ELMO1: variants seen among roughly 807,000 people sequenced by gnomAD.
The protein encoded by ELMO1 is engulfment and cell motility protein 1.
ELMO1 carries 26 observed loss-of-function variants against 98.9 expected under a neutral mutation model. The ratio of observed to expected loss-of-function variants is 0.26; its 90% CI spans 0.19 to 0.36. The LOEUF (loss-of-function observed/expected upper bound fraction) is 0.36. Among genes scored for constraint, ELMO1 ranks in the 10% least tolerant of loss-of-function variants. The pLI is 1.00. For missense variants in ELMO1, 627 were observed against 935.2 expected, an observed-to-expected ratio of 0.67 and a Z score of 4.30; for synonymous variants, 346 against 346.0, an observed-to-expected ratio of 1.00 and a Z score of 0.00.
chr7:37,053,515 C>T (rs1226232570), intron 15 of ELMO1, among the ~76,000 whole-genome samples: 4 of 152,136 alleles, frequency 2.6e-5, no homozygotes, highest in Non-Finnish European at 4.4e-5. Flanking sequence ...AATCATACCC[C>T]ATTTCATCGA....
At chr7:36,948,772 C>T (rs1033152839) in intron 16 of ELMO1, among the ~76,000 whole-genome samples, 8 of 152,326 alleles carry the variant, frequency 5.3e-5, no homozygotes, top group African/African-American at 1.2e-4. Context: ...TACATCAAGA[C>T]GCAAAAGGGA....
At chr7:36,945,345 T>C (rs1335719123) in intron 16 of ELMO1, among the ~76,000 whole-genome samples, 1 of 152,160 alleles carries the variant, frequency 6.6e-6, no homozygotes, top group Admixed American at 6.5e-5. Flanking sequence ...GGGCTTACAA[T>C]ACAAATGCAC....
chr7:37,024,168 C>T (rs186857340), intron 15 of ELMO1, among the ~76,000 whole-genome samples: 319 of 152,246 alleles, frequency 2.1e-3, no homozygotes, highest in African/African-American at 7.3e-3. Flanking sequence ...ACTAGCAAGA[C>T]GGTCACGAGC....
chr7:37,425,452 T>C (rs925261270), intron 1 of ELMO1, among the ~76,000 whole-genome samples: 3 of 152,238 alleles, frequency 2.0e-5, no homozygotes, highest in Non-Finnish European at 2.9e-5. Context: ...CAGTGCATCA[T>C]GATAGTTATC....
chr7:37,013,640 C>A, intron 15 of ELMO1: 1 of 557,400 alleles, frequency 1.8e-6, no homozygotes, highest in Non-Finnish European at 3.2e-6. Flanking sequence ...CAGACCTAGC[C>A]TTAGACACAT....
intron 6 of ELMO1, among the ~76,000 whole-genome samples, chr7:37,255,636 C>T (rs1795599477): frequency 6.6e-6 from 1 of 152,160 alleles, no homozygotes; most frequent in Non-Finnish European, 1.5e-5. Context: ...GGTAAAGTAA[C>T]CGTAATTACA....
intron 16 of ELMO1, among the ~76,000 whole-genome samples, chr7:37,011,979 A>T (rs911724661): frequency 1.7e-4 from 26 of 152,148 alleles, no homozygotes; most frequent in African/African-American, 6.3e-4. Flanking sequence ...TCCCTTCTTG[A>T]ATCAAGCCTG....
chr7:36,894,895 G>A lies in ELMO1; in HGVS notation c.1560C>T (p.Ser520=), dbSNP rs765555514. The A allele has an allele frequency of 5.0e-5, 80 of 1,613,958 alleles. No individual in the cohort carries two copies. Among genetic ancestry groups the A allele is most frequent in the East Asian group, 8.9e-5 (4 of 44,870 alleles). ...SYTEILKIRQ[S]ERMNQEDFQS... is the part of the protein sequence containing the mutation. ...GGAAATCTTCCTGGTTCATCCTCTC[G>A]GACTGGCGGATTTTCAGGATCTCAG... The change falls in exon 17 of 22, where the codon TCC becomes TCT. Residue 520 remains serine (S), a synonymous_variant. Transcript: ENST00000310758.
chr7:37,402,049 C>A (rs943648279), intron 1 of ELMO1, among the ~76,000 whole-genome samples: 1 of 152,230 alleles, frequency 6.6e-6, no homozygotes, highest in African/African-American at 2.4e-5. Context: ...TCAGGTCTTT[C>A]GTTCCCTATG....
At chr7:37,169,477 A>G (rs1185009646) in intron 13 of ELMO1, among the ~76,000 whole-genome samples, 1 of 152,156 alleles carries the variant, frequency 6.6e-6, no homozygotes, top group South Asian at 2.1e-4. Flanking sequence ...CTATTCGGCC[A>G]TCTTGGCTCC....
At chr7:37,314,776 C>T (rs544064476) in intron 4 of ELMO1, 74 bp downstream of exon 4, 67 of 1,447,188 alleles carry the variant, frequency 4.6e-5, no homozygotes, top group East Asian at 4.4e-4. Flanking sequence ...TGTCTAGGCC[C>T]GAACAAAGAA....
intron 1 of ELMO1, among the ~76,000 whole-genome samples, chr7:37,344,946 G>A (rs759429243): frequency 6.6e-6 from 1 of 152,176 alleles, no homozygotes; most frequent in South Asian, 2.1e-4. Context: ...AGTAGGCCTT[G>A]TGAGTTACTA....
chr7:37,373,335 G>A (rs992203348), intron 1 of ELMO1, among the ~76,000 whole-genome samples: 1 of 152,160 alleles, frequency 6.6e-6, no homozygotes, highest in African/African-American at 2.4e-5. Context: ...GGCCAGGCAT[G>A]GTGGCTCACA....
chr7:37,382,907 G>T (rs1802638061), intron 1 of ELMO1, among the ~76,000 whole-genome samples: 2 of 152,162 alleles, frequency 1.3e-5, no homozygotes, highest in Non-Finnish European at 2.9e-5. Flanking sequence ...CTAATTTGCA[G>T]GGCCCCAGGC....
At chr7:37,010,501 G>A (rs950567970) in intron 16 of ELMO1, among the ~76,000 whole-genome samples, 4 of 152,240 alleles carry the variant, frequency 2.6e-5, no homozygotes, top group Admixed American at 2.0e-4. Flanking sequence ...AGGCAGAAGA[G>A]GGATCAGGGT....
At chr7:37,378,820 C>A (rs1315208503) in intron 1 of ELMO1, among the ~76,000 whole-genome samples, 5 of 152,042 alleles carry the variant, frequency 3.3e-5, no homozygotes, top group African/African-American at 1.2e-4. Context: ...CTCTTCCAAA[C>A]CTATCTTCTC....
At chr7:37,277,654 C>A (rs557384745) in intron 4 of ELMO1, among the ~76,000 whole-genome samples, 3 of 152,280 alleles carry the variant, frequency 2.0e-5, no homozygotes, top group Admixed American at 1.3e-4. Context: ...CACAGATATT[C>A]TCCTAAGGAG....
At chr7:37,275,662 C>A (rs1796794221) in intron 4 of ELMO1, among the ~76,000 whole-genome samples, 1 of 152,216 alleles carries the variant, frequency 6.6e-6, no homozygotes, top group Non-Finnish European at 1.5e-5. Context: ...GACAACAGCA[C>A]CTTCTGCCTG....
intron 14 of ELMO1, among the ~76,000 whole-genome samples, chr7:37,126,064 G>A (rs555523301): frequency 1.3e-3 from 203 of 151,848 alleles, no homozygotes; most frequent in Admixed American, 2.8e-3. Flanking sequence ...ACCAAACATC[G>A]CATGTTCTCA....
Sources: gnomAD v4.1 joint callset for allele counts (sites outside exome capture counted in the v4.1 genomes callset) on GRCh38, gnomAD v4.1.1 for gene constraint, MANE v1.5 for transcripts, NCBI Gene and HGNC (gene_info 2026-07-23, HGNC 2026-07-21) for gene names.